The following IFTAP variants were observed in gnomAD, a reference collection of about 807,000 sequenced individuals.
The protein encoded by IFTAP is intraflagellar transport-associated protein.
Under a neutral mutation model 19.4 loss-of-function variants are expected in IFTAP, and 19 were observed. That is an observed-to-expected ratio of 0.98 (90% CI 0.68 to 1.44). The LOEUF (loss-of-function observed/expected upper bound fraction) is 1.44, where lower values mean the gene tolerates loss of function less well. Among genes scored for constraint, IFTAP ranks in the 40% most tolerant of loss-of-function variants. The pLI is 0.00. For synonymous variants in IFTAP, 85 were observed against 83.5 expected, an observed-to-expected ratio of 1.02 and a Z score of -0.10; for missense variants, 240 against 253.6, an observed-to-expected ratio of 0.95 and a Z score of 0.36.
At chr11:36,618,033 G>A (rs1852156498) in intron 2 of IFTAP, among the ~76,000 whole-genome samples, 1 of 152,002 alleles carries the variant, frequency 6.6e-6, no homozygotes, top group African/African-American at 2.4e-5. Flanking sequence ...GACCTAGTGA[G>A]TTCTTTCGTA....
chr11:36,650,849 T>G (rs1485924325), intron 5 of IFTAP, among the ~76,000 whole-genome samples: 1 of 152,174 alleles, frequency 6.6e-6, no homozygotes, highest in Non-Finnish European at 1.5e-5. Flanking sequence ...AATGATGGTT[T>G]CCAGCTTCAT....
In IFTAP at chr11:36,648,713, G is replaced by A. The variant is rs535116493; in HGVS notation, c.498+558G>A. 5.3e-5 allele frequency among the ~76,000 whole-genome samples: 8 copies of A among 152,168 alleles called. No homozygotes were observed. The East Asian group carries it at 5.8e-4, about 11-fold the overall frequency. Reference sequence around the variant, plus strand: ...ATTTTAGGACATTGTCCTCACCTGCGTGTTCCAGGTCAGGTCATCATCGTA... The same window carrying A: ...ATTTTAGGACATTGTCCTCACCTGCATGTTCCAGGTCAGGTCATCATCGTA... On this transcript the variant is annotated intron_variant, in intron 5 of 5. Transcript: ENST00000334307.
At chr11:36,645,514 A>G (rs1472765566) in intron 4 of IFTAP, among the ~76,000 whole-genome samples, 1 of 152,176 alleles carries the variant, frequency 6.6e-6, no homozygotes, top group Non-Finnish European at 1.5e-5. Flanking sequence ...TCTGTTTCAG[A>G]AAGTTATACA....
chr11:36,604,975 G>A (rs1486860500), intron 1 of IFTAP, among the ~76,000 whole-genome samples: 1 of 151,024 alleles, frequency 6.6e-6, no homozygotes, highest in East Asian at 1.9e-4. Flanking sequence ...GAAGAAATCA[G>A]TTCATACTAG....
At chr11:36,633,464 G>A in intron 3 of IFTAP, 26 bp downstream of exon 3, 1 of 1,441,060 alleles carries the variant, frequency 6.9e-7, no homozygotes, top group Non-Finnish European at 9.2e-7. Context: ...TACATGTATA[G>A]AAACAATCTC....
chr11:36,657,613 T>C (rs1854049609), intron 5 of IFTAP, among the ~76,000 whole-genome samples: 2 of 152,312 alleles, frequency 1.3e-5, no homozygotes, highest in African/African-American at 2.4e-5. Flanking sequence ...GGTGAGGCTT[T>C]ATTTGAAGCA....
chr11:36,634,952 A>G (rs934662154), intron 3 of IFTAP, among the ~76,000 whole-genome samples: 3 of 151,622 alleles, frequency 2.0e-5, no homozygotes, highest in Admixed American at 1.3e-4. Flanking sequence ...ATTAGCATAC[A>G]CCACTAAGTA....
At chr11:36,656,148 G>T (rs1424014974) in intron 5 of IFTAP, among the ~76,000 whole-genome samples, 1 of 152,170 alleles carries the variant, frequency 6.6e-6, no homozygotes, top group Non-Finnish European at 1.5e-5. Flanking sequence ...TGGGAGCCCT[G>T]ATCAGAGTTT....
intron 1 of IFTAP, chr11:36,595,341 A>C (rs1408344256): frequency 6.6e-6 from 1 of 152,254 alleles, no homozygotes; most frequent in East Asian, 1.9e-4. Flanking sequence ...GTTACAACAA[A>C]AAGAATATTT....
At chr11:36,621,384 T>C (rs961599599) in intron 2 of IFTAP, among the ~76,000 whole-genome samples, 40 of 152,026 alleles carry the variant, frequency 2.6e-4, no homozygotes, top group African/African-American at 9.4e-4. Context: ...ATCTGTCTAG[T>C]ATATGATTTT....
chr11:36,633,412 AC>A lies in IFTAP; in HGVS notation c.266del (p.Thr89IlefsTer10). 1 of 1,598,024 alleles carries A rather than the reference AC, an allele frequency of 6.3e-7. No homozygotes were observed. The highest frequency in any genetic ancestry group is 8.5e-7 in the Non-Finnish European group (1 of 1,173,044). ...TAGAAATAAAACCATCTTTCTTCGTACTTCATCACAATGTTTGGAAGAACAG... is the reference window on the plus strand; with the variant it reads ...TAGAAATAAAACCATCTTTCTTCGTATTCATCACAATGTTTGGAAGAACAG... ...HLRNKTIFLR[T>X]SSQCLEEQVD... is the part of the protein sequence containing the mutation. On this transcript the variant is annotated frameshift_variant, in exon 3 of 6. Coordinates refer to ENST00000334307, the MANE Select transcript of IFTAP (RefSeq NM_138787.4). LOFTEE classifies it high-confidence loss of function.
intron 5 of IFTAP, among the ~76,000 whole-genome samples, chr11:36,649,768 A>G (rs925258700): frequency 2.0e-5 from 3 of 152,180 alleles, no homozygotes; most frequent in African/African-American, 4.8e-5. Flanking sequence ...CAAGCCACAG[A>G]TGAACAACTT....
chr11:36,631,907 T>G (rs1476530665), intron 2 of IFTAP, among the ~76,000 whole-genome samples: 1 of 151,108 alleles, frequency 6.6e-6, no homozygotes, highest in African/African-American at 2.5e-5. Flanking sequence ...TTGACTATTG[T>G]AAGCCATTCT....
chr11:36,636,344 TC>T (rs1852951261), intron 4 of IFTAP, among the ~76,000 whole-genome samples: 1 of 152,200 alleles, frequency 6.6e-6, no homozygotes, highest in Non-Finnish European at 1.5e-5. Context: ...AGATGTGCTC[TC>T]CCCCTTAACA....
chr11:36,633,584 T>C (rs1425458876), intron 3 of IFTAP, 146 bp downstream of exon 3: 1 of 535,652 alleles, frequency 1.9e-6, no homozygotes, highest in Admixed American at 4.3e-5. Context: ...GGGCACTTTA[T>C]TGAAAGTCAT....
chr11:36,655,687 A>T (rs1372025271), intron 5 of IFTAP, among the ~76,000 whole-genome samples: 1 of 152,172 alleles, frequency 6.6e-6, no homozygotes, highest in Non-Finnish European at 1.5e-5. Context: ...TGCAAATGTG[A>T]CGTTATTACT....
Position 36,610,241 on chromosome 11 carries a change from TA to T in IFTAP, c.136+6del, listed in dbSNP as rs531626972. The T allele has an allele frequency of 1.9e-4, 298 of 1,599,278 alleles. 1 individual carries two copies. In the South Asian group the frequency reaches 3.1e-3, roughly 17 times the overall value. The stretch of plus-strand genomic sequence containing the variant: ...ACACTTTTACTCATCTTTCACAAGG[TA>T]AAATGGAGAAGTAAACTTTCTGCAG... On this transcript the variant is annotated splice_donor_region_variant and intron_variant, in intron 2 of 5. Coordinates refer to ENST00000334307, the MANE Select transcript of IFTAP (RefSeq NM_138787.4).
At chr11:36,650,631 T>C (rs1391672616) in intron 5 of IFTAP, among the ~76,000 whole-genome samples, 2 of 151,832 alleles carry the variant, frequency 1.3e-5, no homozygotes, top group Non-Finnish European at 2.9e-5. Flanking sequence ...TTGTTACATA[T>C]GTATACATGT....
intron 4 of IFTAP, among the ~76,000 whole-genome samples, chr11:36,643,086 T>A (rs936150570): frequency 5.3e-5 from 8 of 152,202 alleles, no homozygotes; most frequent in Admixed American, 5.2e-4. Flanking sequence ...TTGCAGATGA[T>A]ATGATTGTAT....
Sources: gnomAD v4.1 joint callset for allele counts (sites outside exome capture counted in the v4.1 genomes callset) on GRCh38, gnomAD v4.1.1 for gene constraint, MANE v1.5 for transcripts, NCBI Gene and HGNC (gene_info 2026-07-23, HGNC 2026-07-21) for gene names.